The following INPP5D variants were observed in gnomAD, a reference collection of about 807,000 sequenced individuals.
INPP5D encodes phosphatidylinositol 3,4,5-trisphosphate 5-phosphatase 1.
A neutral mutation model predicts 122.9 loss-of-function variants in INPP5D; 33 were observed. The observed-to-expected ratio is 0.27, with a 90% CI of 0.20 to 0.36. The LOEUF is 0.36. INPP5D is among the 10% of genes least tolerant of loss of function. The probability of loss-of-function intolerance (pLI) is 1.00; values close to 1 mark genes in which losing one functional copy is unlikely to be tolerated. For missense variants in INPP5D, 1,053 were observed against 1,412.7 expected, an observed-to-expected ratio of 0.75 and a Z score of 4.08; for synonymous variants, 584 against 576.2, an observed-to-expected ratio of 1.01 and a Z score of -0.19.
chr2:233,116,135 A>G (rs1692781169), intron 2 of INPP5D, among the ~76,000 whole-genome samples: 1 of 152,034 alleles, frequency 6.6e-6, no homozygotes, highest in South Asian at 2.1e-4. Flanking sequence ...GGCTGTGAGC[A>G]CAAATTCATG....
chr2:233,166,081 A>G (rs1222589841), intron 13 of INPP5D, among the ~76,000 whole-genome samples: 1 of 151,830 alleles, frequency 6.6e-6, no homozygotes, highest in Non-Finnish European at 1.5e-5. Context: ...GTCCACCCCC[A>G]CTCGTCCCCC....
Position 233,164,572 on chromosome 2 carries a change from G to T in INPP5D, c.1555+148G>T, listed in dbSNP as rs1194415767. 2 of 1,249,612 alleles carry T rather than the reference G, an allele frequency of 1.6e-6. No homozygotes were observed. Among genetic ancestry groups the T allele is most frequent in the Admixed American group, 3.0e-5 (1 of 33,106 alleles). 77.4% of individuals were successfully genotyped at this position (1,249,612 alleles called of 1,614,324 possible). On this transcript the variant is annotated intron_variant, in intron 13 of 26. Transcript: ENST00000445964. This position sits in a 1 kb window ranked among gnomAD's most constrained non-coding sequence, Gnocchi z 4.3. ...CTGGCTCAGTCCTCAGCAAATAGGG[G>T]TGATTGGTCTCCCTGGCTGAAACTC...
chr2:233,141,021 C>CT (rs1446919730), intron 6 of INPP5D: 6 of 152,282 alleles, frequency 3.9e-5, no homozygotes, highest in Non-Finnish European at 7.3e-5. Flanking sequence ...CTCTTCTTGC[C>CT]TATTAGATGG....
Position 233,192,534 on chromosome 2 carries a change from T to C in INPP5D, c.2447-1278T>C, listed in dbSNP as rs117942967. Among the ~76,000 whole-genome samples the C allele has an allele frequency of 2.3e-3, 347 of 152,328 alleles. 9 individuals carry two copies. In the East Asian group the frequency reaches 0.059, roughly 26 times the overall value. ...ACCTGGTATTAGATGAAACACATTT[T>C]CCATGATTCTCCTGCCCCATCTTTG... On this transcript the variant is annotated intron_variant, in intron 22 of 26. Coordinates refer to ENST00000445964, the MANE Select transcript of INPP5D (RefSeq NM_001017915.3).
intron 23 of INPP5D, among the ~76,000 whole-genome samples, chr2:233,194,998 G>A (rs1031654046): frequency 2.6e-5 from 4 of 152,098 alleles, no homozygotes; most frequent in Non-Finnish European, 4.4e-5. Flanking sequence ...GTTTCACCAC[G>A]TTGGCCAGAC....
intron 22 of INPP5D, among the ~76,000 whole-genome samples, chr2:233,192,907 G>C (rs7603315): frequency 0.015 from 2,223 of 152,236 alleles, 49 homozygotes; most frequent in African/African-American, 0.051. Context: ...GCTGGCATTG[G>C]GTGGTTTTGT....
At chr2:233,066,768 G>T (rs887712227) in intron 1 of INPP5D, among the ~76,000 whole-genome samples, 4 of 149,940 alleles carry the variant, frequency 2.7e-5, no homozygotes, top group African/African-American at 1.0e-4. Flanking sequence ...CACCATGCCC[G>T]GCTAATTTTT....
chr2:233,194,919 A>G (rs145798181), intron 23 of INPP5D, among the ~76,000 whole-genome samples: 170 of 151,488 alleles, frequency 1.1e-3, no homozygotes, highest in African/African-American at 3.8e-3. Flanking sequence ...CTCCTGCCCC[A>G]CCTTCCCGAG....
At position 233,204,136 on chromosome 2, in the gene INPP5D, C is replaced by A. The variant is rs1369037359; in HGVS notation, c.2986C>A (p.Leu996Met). ...PRTQESRPSD[L>M]GKNAGDTLPQ... is the part of the protein sequence containing the mutation. ...TGTCCCTGGCTCTAGGCCCAGTGAC[C>A]TGGGGAAGAACGCAGGGGACACGCT... The change falls in exon 26 of 27, where the codon CTG becomes ATG. Residue 996 changes from leucine to methionine, a missense_variant. Leu to Met is a conservative substitution (Grantham distance 15). Around this residue, in one of 6 missense-constraint regions of INPP5D, gnomAD observed 417 missense variants for 425.8 expected, o/e 0.98. Coordinates refer to ENST00000445964, the MANE Select transcript of INPP5D (RefSeq NM_001017915.3). 6.4e-7 allele frequency: 1 copy of A among 1,551,660 alleles called. No individual in the cohort carries two copies. Among genetic ancestry groups the A allele is most frequent in the Non-Finnish European group, 8.7e-7 (1 of 1,148,278 alleles).
At chr2:233,195,121 A>T (rs768563678) in intron 23 of INPP5D, among the ~76,000 whole-genome samples, 9 of 152,080 alleles carry the variant, frequency 5.9e-5, no homozygotes, top group Non-Finnish European at 1.2e-4. Context: ...GACAAAACAT[A>T]CTTGCCTGTT....
At chr2:233,154,972 G>A (rs1481256362) in intron 9 of INPP5D, among the ~76,000 whole-genome samples, 1 of 152,198 alleles carries the variant, frequency 6.6e-6, no homozygotes, top group East Asian at 1.9e-4. Flanking sequence ...CTGAATTAGT[G>A]AGACCTGGCC....
intron 9 of INPP5D, among the ~76,000 whole-genome samples, chr2:233,149,177 C>T (rs918794994): frequency 6.7e-6 from 1 of 149,030 alleles, no homozygotes; most frequent in African/African-American, 2.5e-5. Flanking sequence ...GATCTTGGCT[C>T]ACTGCAACCT....
At chr2:233,122,311 C>G in intron 3 of INPP5D, 54 bp downstream of exon 3, 1 of 1,570,438 alleles carries the variant, frequency 6.4e-7, no homozygotes, top group Non-Finnish European at 8.7e-7. Context: ...TTGCCCTGCA[C>G]CCACCTTGAG....
chr2:233,125,044 C>G (rs1421259156), intron 3 of INPP5D, among the ~76,000 whole-genome samples: 1 of 152,266 alleles, frequency 6.6e-6, no homozygotes, highest in African/African-American at 2.4e-5. Context: ...GGCAGCCGCT[C>G]TGTGTGGGAA....
intron 5 of INPP5D, among the ~76,000 whole-genome samples, chr2:233,132,852 A>C (rs1693365756): frequency 6.6e-6 from 1 of 151,668 alleles, no homozygotes; most frequent in South Asian, 2.1e-4. Flanking sequence ...AGTGAGGCAC[A>C]CAACAGTAGA....
chr2:233,194,932 G>T (rs1487704473), intron 23 of INPP5D, among the ~76,000 whole-genome samples: 1 of 151,928 alleles, frequency 6.6e-6, no homozygotes, highest in Non-Finnish European at 1.5e-5. Context: ...TTCCCGAGTA[G>T]CTGGGATTAC....
At chr2:233,067,057 C>T (rs113554688) in intron 1 of INPP5D, among the ~76,000 whole-genome samples, 2,320 of 152,312 alleles carry the variant, frequency 0.015, 58 homozygotes, top group African/African-American at 0.053. Context: ...GGATTACAGG[C>T]GTGAGCCACT....
intron 3 of INPP5D, among the ~76,000 whole-genome samples, chr2:233,123,820 C>G (rs1205176774): frequency 6.6e-6 from 1 of 152,190 alleles, no homozygotes; most frequent in Non-Finnish European, 1.5e-5. Context: ...TTTGCAGGAA[C>G]ATGGATGGAG....
At position 233,189,207 on chromosome 2, in the gene INPP5D, C is replaced by T. The variant is rs1192454692; in HGVS notation, c.2359-643C>T. ...GGGCCTCTGGGGGAGCTGGCACTCC[C>T]CAGCTCTGGAAACTTGCTCGCAGAT... On this transcript the variant is annotated intron_variant, in intron 21 of 26. Coordinates refer to ENST00000445964, the MANE Select transcript of INPP5D (RefSeq NM_001017915.3). The surrounding 1 kb of genome is among the most constrained non-coding windows in gnomAD (Gnocchi z 5.6). Among the ~76,000 whole-genome samples the T allele has an allele frequency of 6.6e-6, 1 of 152,174 alleles. No homozygotes were observed. The highest frequency in any genetic ancestry group is 2.4e-5 in the African/African-American group (1 of 41,428).
Sources: gnomAD v4.1 joint callset for allele counts (sites outside exome capture counted in the v4.1 genomes callset) on GRCh38, gnomAD v4.1.1 for gene constraint, gnomAD v4.1.1 regional missense constraint, Gnocchi (gnomAD v3.1) non-coding constraint, MANE v1.5 for transcripts, NCBI Gene and HGNC (gene_info 2026-07-23, HGNC 2026-07-21) for gene names.